The following ADAMTS19 variants were observed in gnomAD, a reference collection of about 807,000 sequenced individuals.
ADAMTS19 encodes the protein A disintegrin and metalloproteinase with thrombospondin motifs 19.
ADAMTS19 carries 93 observed loss-of-function variants against 153.3 expected under a neutral mutation model. The ratio of observed to expected loss-of-function variants is 0.61; its 90% CI spans 0.51 to 0.72. ADAMTS19 has a LOEUF of 0.72. Among genes scored for constraint, ADAMTS19 ranks in the 30% least tolerant of loss-of-function variants. The pLI, the probability that ADAMTS19 is intolerant of heterozygous loss-of-function variation, is 0.00. For synonymous variants in ADAMTS19, 600 were observed against 556.6 expected (o/e 1.08, Z -1.10); for missense variants, 1,482 against 1,552.1 (o/e 0.95, Z 0.76).
At chr5:129,648,047 A>G (rs1252151570) in intron 12 of ADAMTS19, 152 bp downstream of exon 12, 5 of 792,918 alleles carry the variant, frequency 6.3e-6, no homozygotes, top group Admixed American at 6.8e-5. Context: ...TATTTTATAT[A>G]AAAACTGCCT....
intron 18 of ADAMTS19, among the ~76,000 whole-genome samples, chr5:129,688,508 A>G (rs7720745): frequency 0.058 from 8,897 of 152,166 alleles, 411 homozygotes; most frequent in African/African-American, 0.13. Flanking sequence ...AAGTTTTAAA[A>G]TGGTAACTCA....
intron 6 of ADAMTS19, among the ~76,000 whole-genome samples, chr5:129,536,403 T>C (rs948125924): frequency 1.3e-5 from 2 of 152,022 alleles, no homozygotes; most frequent in South Asian, 2.1e-4. Flanking sequence ...ATTAAAGAGT[T>C]AGGAAACAAC....
chr5:129,484,174 T>A (rs962329706), intron 2 of ADAMTS19, among the ~76,000 whole-genome samples: 2 of 152,218 alleles, frequency 1.3e-5, no homozygotes, highest in Non-Finnish European at 2.9e-5. Context: ...TCTTTTAGTC[T>A]TTAAATGCTG....
intron 17 of ADAMTS19, among the ~76,000 whole-genome samples, chr5:129,683,017 A>T (rs1754893312): frequency 6.6e-6 from 1 of 152,048 alleles, no homozygotes; most frequent in Admixed American, 6.6e-5. Context: ...TGCAGGTAAA[A>T]TACTAAATAA....
intron 21 of ADAMTS19, among the ~76,000 whole-genome samples, chr5:129,718,905 C>T (rs1326024879): frequency 1.3e-5 from 2 of 152,228 alleles, no homozygotes; most frequent in African/African-American, 4.8e-5. Flanking sequence ...CTTACAGAGG[C>T]CAGCTGGAAA....
chr5:129,547,379 C>T (rs1324287814), intron 6 of ADAMTS19, among the ~76,000 whole-genome samples: 2 of 150,742 alleles, frequency 1.3e-5, no homozygotes, highest in Non-Finnish European at 2.9e-5. Flanking sequence ...TTTCAAAATT[C>T]GGGCCTTCAG....
intron 6 of ADAMTS19, among the ~76,000 whole-genome samples, chr5:129,529,315 T>C (rs909400565): frequency 6.6e-6 from 1 of 152,126 alleles, no homozygotes; most frequent in Non-Finnish European, 1.5e-5. Context: ...ATTTTAGTCA[T>C]CAAAAGTGTT....
chr5:129,488,172 C>T (rs1457293644), intron 2 of ADAMTS19, among the ~76,000 whole-genome samples: 1 of 151,746 alleles, frequency 6.6e-6, no homozygotes, highest in African/African-American at 2.4e-5. Context: ...AGATAAAGTA[C>T]TTGTGCAGGG....
intron 10 of ADAMTS19, among the ~76,000 whole-genome samples, chr5:129,637,053 G>C (rs1409194344): frequency 6.6e-6 from 1 of 151,672 alleles, no homozygotes; most frequent in Non-Finnish European, 1.5e-5. Flanking sequence ...TTGCCTCTTT[G>C]AATATATCAT....
chr5:129,594,202 A>G (rs574161784), intron 7 of ADAMTS19, among the ~76,000 whole-genome samples: 3 of 152,312 alleles, frequency 2.0e-5, no homozygotes, highest in South Asian at 4.1e-4. Flanking sequence ...AACAAGTGGC[A>G]GTACTATTTT....
intron 7 of ADAMTS19, 44 bp downstream of exon 7, chr5:129,551,951 G>T (rs767013828): frequency 8.5e-6 from 11 of 1,298,258 alleles, no homozygotes; most frequent in Non-Finnish European, 1.1e-5. Context: ...TGGAGAACTT[G>T]AACATATCAC....
intron 17 of ADAMTS19, 68 bp downstream of exon 17, chr5:129,679,989 T>G (rs2127116586): frequency 6.2e-4 from 824 of 1,322,290 alleles, no homozygotes; most frequent in Non-Finnish European, 7.5e-4. Flanking sequence ...CCCAGTGCAC[T>G]TCCTCTAATA....
chr5:129,721,135 A>C (rs1314052647), intron 21 of ADAMTS19, among the ~76,000 whole-genome samples: 1 of 152,172 alleles, frequency 6.6e-6, no homozygotes, highest in Non-Finnish European at 1.5e-5. Context: ...TACTTATTTC[A>C]GTATATTTCA....
chr5:129,589,161 A>T (rs1004491744), intron 7 of ADAMTS19, among the ~76,000 whole-genome samples: 104 of 151,820 alleles, frequency 6.9e-4, no homozygotes, highest in Middle Eastern at 3.5e-3. Flanking sequence ...TACTTCCTTC[A>T]TTGCATAAAT....
intron 6 of ADAMTS19, among the ~76,000 whole-genome samples, chr5:129,543,540 C>T (rs1752739676): frequency 6.6e-6 from 1 of 152,156 alleles, no homozygotes; most frequent in Non-Finnish European, 1.5e-5. Context: ...AACCTGCTCC[C>T]TTGCCAGTAT....
rs1039771898 is a variant in ADAMTS19 at position 129,461,385 on chromosome 5, G to T, written c.375G>T (p.Ser125=). The T allele has an allele frequency of 7.4e-7, 1 of 1,349,922 alleles. No homozygotes were observed. The highest frequency in any genetic ancestry group is 9.4e-7 in the Non-Finnish European group (1 of 1,062,178). 83.6% of individuals were successfully genotyped at this position (1,349,922 alleles called of 1,614,324 possible). A position where few individuals can be genotyped will look rare whatever the true frequency, so the allele number is the denominator to read the frequency against. The change falls in exon 2 of 23, where the codon TCG becomes TCT. Residue 125 remains serine (S), a synonymous_variant. Transcript: ENST00000274487. The surrounding 1 kb of genome is among the most constrained non-coding windows in gnomAD (Gnocchi z 4.6). ...SEGEEDEELE[S]QELPRGSSGA... ...GTGAGGAGGACGAGGAGCTCGAGTC[G>T]CAGGAGCTGCCGCGGGGATCCAGCG...
chr5:129,691,082 G>A (rs945762412), intron 18 of ADAMTS19, among the ~76,000 whole-genome samples: 3 of 152,048 alleles, frequency 2.0e-5, no homozygotes, highest in Non-Finnish European at 4.4e-5. Flanking sequence ...GTTAAATACA[G>A]AGCATATATT....
chr5:129,662,725 G>A (rs1753865469), intron 15 of ADAMTS19, among the ~76,000 whole-genome samples: 1 of 151,708 alleles, frequency 6.6e-6, no homozygotes, highest in South Asian at 2.1e-4. Context: ...CTCTTGATTG[G>A]GACACTCAGA....
At chr5:129,629,912 C>A (rs1319672022) in intron 10 of ADAMTS19, among the ~76,000 whole-genome samples, 1 of 151,886 alleles carries the variant, frequency 6.6e-6, no homozygotes, top group Non-Finnish European at 1.5e-5. Context: ...GAAGTGGCCC[C>A]GTAGGAGTTA....
Sources: allele counts gnomAD v4.1 joint callset (sites outside exome capture counted in the v4.1 genomes callset), GRCh38; gene constraint gnomAD v4.1.1; non-coding constraint Gnocchi (gnomAD v3.1); transcripts MANE v1.5; gene names NCBI Gene and HGNC (gene_info 2026-07-23, HGNC 2026-07-21).